The following ZFPM1 variants were observed in gnomAD, a reference collection of about 807,000 sequenced individuals.
ZFPM1 encodes zinc finger protein, FOG family member 1, also known as zinc finger protein ZFPM1.
In ZFPM1, 28 loss-of-function variants were observed where a neutral mutation model predicts 46.3. The ratio of observed to expected loss-of-function variants is 0.60; its 90% CI spans 0.45 to 0.83. ZFPM1 has a LOEUF of 0.83. ZFPM1 is among the 40% of genes least tolerant of loss of function. ZFPM1 has a pLI of 0.00. For missense variants in ZFPM1, 1,878 were observed against 1,432.4 expected, an observed-to-expected ratio of 1.31 and a Z score of -5.02; for synonymous variants, 957 against 675.9, an observed-to-expected ratio of 1.42 and a Z score of -6.45.
chr16:88,515,491 C>T (rs990947228), intron 4 of ZFPM1, among the ~76,000 whole-genome samples: 1 of 152,364 alleles, frequency 6.6e-6, no homozygotes, highest in African/African-American at 2.4e-5. Flanking sequence ...TACGTCTGAG[C>T]CTGCAGACCC....
chr16:88,523,541 T>C (rs920563843), intron 4 of ZFPM1, among the ~76,000 whole-genome samples: 1 of 152,140 alleles, frequency 6.6e-6, no homozygotes. Context: ...GCTGGCCGTG[T>C]CCATGCCACC....
intron 3 of ZFPM1, among the ~76,000 whole-genome samples, chr16:88,500,463 A>G (rs1010423398): frequency 3.3e-5 from 5 of 152,210 alleles, no homozygotes; most frequent in African/African-American, 1.2e-4. Flanking sequence ...CCGTGTCACC[A>G]CCAGCGTGGG....
intron 3 of ZFPM1, among the ~76,000 whole-genome samples, chr16:88,502,248 C>A (rs1910403986): frequency 6.6e-6 from 1 of 152,112 alleles, no homozygotes; most frequent in Non-Finnish European, 1.5e-5. Flanking sequence ...CTGGTCATAT[C>A]CTGCCCGAAA....
intron 3 of ZFPM1, among the ~76,000 whole-genome samples, chr16:88,493,049 ATCCCGGGGTGCGGAGAGCTG>A (rs1597248384): frequency 1.0e-4 from 4 of 39,416 alleles, no homozygotes; most frequent in African/African-American, 4.0e-4. Flanking sequence ...ATGGAGAGCT[ATCCCGGGGTGCGGAGAGCTG>A]TCCCGGGGTG....
At position 88,535,049 on chromosome 16, in the gene ZFPM1, C is replaced by T. The variant is rs1913181979; in HGVS notation, c.*70C>T. 6 of 1,342,216 alleles carry T rather than the reference C, an allele frequency of 4.5e-6. No homozygotes were observed. Among genetic ancestry groups the T allele is most frequent in the South Asian group, 1.9e-5 (1 of 51,446 alleles). The allele number at this position is 1,342,216 out of a possible 1,614,324, so 83.1% of individuals were successfully genotyped here. ...TGCGGGGAGGGGGCCGCCCCCAGGC[C>T]GCACGGACTGCCGCTCCTGGGAACC... is the stretch of plus-strand genomic sequence containing the variant. On this transcript the variant is annotated 3_prime_UTR_variant, in exon 10 of 10. Coordinates refer to ENST00000319555, the MANE Select transcript of ZFPM1 (RefSeq NM_153813.3).
rs373783125 is a variant in ZFPM1 at position 88,501,486 on chromosome 16, GT to G, written c.268+12334del. On this transcript the variant is annotated intron_variant, in intron 3 of 9. Coordinates refer to ENST00000319555, the MANE Select transcript of ZFPM1 (RefSeq NM_153813.3). ...TGATAGAGATAGCAGACATGGGTGC[GT>G]GGGCCCTCCCGCAGGTGCTGGTGAT... is the stretch of plus-strand genomic sequence containing the variant. 3.4e-4 allele frequency among the ~76,000 whole-genome samples: 45 copies of G among 131,060 alleles called. 2 individuals are homozygous for G. The highest frequency in any genetic ancestry group is 7.6e-4 in the Admixed American group (10 of 13,196). The allele number at this position is 131,060 out of a possible 152,430, so 86.0% of individuals were successfully genotyped here. A position where few individuals can be genotyped will look rare whatever the true frequency, so the allele number is the denominator to read the frequency against.
intron 3 of ZFPM1, among the ~76,000 whole-genome samples, chr16:88,490,852 C>T (rs1341721865): frequency 6.6e-6 from 1 of 152,210 alleles, no homozygotes; most frequent in Non-Finnish European, 1.5e-5. Flanking sequence ...ACCGGGCATC[C>T]AGCACAGCAG....
chr16:88,466,805 C>T (rs184471810), intron 1 of ZFPM1, among the ~76,000 whole-genome samples: 2 of 152,112 alleles, frequency 1.3e-5, no homozygotes, highest in African/African-American at 2.4e-5. Context: ...CAGTGACCAG[C>T]GTTTAAATCC....
At chr16:88,508,408 A>C (rs1317545378) in intron 3 of ZFPM1, among the ~76,000 whole-genome samples, 1 of 152,214 alleles carries the variant, frequency 6.6e-6, no homozygotes, top group Non-Finnish European at 1.5e-5. Context: ...CATGTGAAGG[A>C]GGCCATGACA....
At chr16:88,502,429 C>G in intron 3 of ZFPM1, among the ~76,000 whole-genome samples, 1 of 152,174 alleles carries the variant, frequency 6.6e-6, no homozygotes, top group East Asian at 1.9e-4. Context: ...GTGCTTGCCC[C>G]TCCATGTCCC....
chr16:88,470,449 C>T (rs1908363248), intron 1 of ZFPM1, among the ~76,000 whole-genome samples: 1 of 152,202 alleles, frequency 6.6e-6, no homozygotes, highest in Non-Finnish European at 1.5e-5. Context: ...TGTGGCAGAA[C>T]CACTGGGGAG....
chr16:88,532,405 C>T (rs539115283), intron 7 of ZFPM1, among the ~76,000 whole-genome samples, 170 bp downstream of exon 7: 18 of 152,220 alleles, frequency 1.2e-4, no homozygotes, highest in Non-Finnish European at 2.1e-4. Flanking sequence ...GCAGGCCGGA[C>T]TGTGGGCTAT....
At chr16:88,491,018 G>C (rs540763642) in intron 3 of ZFPM1, among the ~76,000 whole-genome samples, 2 of 151,070 alleles carry the variant, frequency 1.3e-5, no homozygotes, top group African/African-American at 4.9e-5. Flanking sequence ...GGTGCCTTCG[G>C]GGCTCTCGGT....
At chr16:88,514,759 T>C (rs1334788355) in intron 4 of ZFPM1, among the ~76,000 whole-genome samples, 1 of 151,388 alleles carries the variant, frequency 6.6e-6, no homozygotes, top group African/African-American at 2.4e-5. Flanking sequence ...GGAGGAGGGG[T>C]TCTTTAAGCA....
intron 6 of ZFPM1, among the ~76,000 whole-genome samples, chr16:88,528,756 G>C (rs1260555644): frequency 1.3e-5 from 2 of 151,262 alleles, no homozygotes; most frequent in African/African-American, 4.9e-5. Flanking sequence ...TTTTTTTTTC[G>C]AGACAAGGTC....
chr16:88,475,620 A>G (rs1908644962), intron 1 of ZFPM1, among the ~76,000 whole-genome samples: 1 of 152,028 alleles, frequency 6.6e-6, no homozygotes, highest in African/African-American at 2.4e-5. Flanking sequence ...CCCAAGGACA[A>G]CGCCGGGTAC....
chr16:88,477,723 C>T (rs999728676), intron 1 of ZFPM1, among the ~76,000 whole-genome samples: 3 of 152,254 alleles, frequency 2.0e-5, no homozygotes, highest in Non-Finnish European at 4.4e-5. Flanking sequence ...AAAGCAAAAC[C>T]AAGAGAATGC....
chr16:88,534,907 C>A lies in ZFPM1; in HGVS notation c.2949C>A (p.Phe983Leu). 3 of 1,562,822 alleles carry A rather than the reference C, an allele frequency of 1.9e-6. No homozygotes were observed. Among genetic ancestry groups the A allele is most frequent in the Non-Finnish European group, 2.6e-6 (3 of 1,158,034 alleles). Residue 983 changes from phenylalanine to leucine, a missense_variant, in exon 10 of 10, where the codon TTC becomes TTA. Coordinates refer to ENST00000319555, the MANE Select transcript of ZFPM1 (RefSeq NM_153813.3). The stretch of plus-strand genomic sequence containing the variant: ...ACTGCCGTCTTTGCAACATCAAGTT[C>A]AGCAGCCTGTCCACCTTCATCGCCC... Reference protein sequence around the residue: ...HRYCRLCNIKFSSLSTFIAHK... With the variant: ...HRYCRLCNIKLSSLSTFIAHK...
At chr16:88,515,940 G>C (rs1220072486) in intron 4 of ZFPM1, among the ~76,000 whole-genome samples, 2 of 152,082 alleles carry the variant, frequency 1.3e-5, no homozygotes, top group Non-Finnish European at 2.9e-5. Flanking sequence ...GAGCTCCGTG[G>C]CTCTCATCTC....
Sources: gnomAD v4.1 joint callset for allele counts (sites outside exome capture counted in the v4.1 genomes callset) on GRCh38, gnomAD v4.1.1 for gene constraint, MANE v1.5 for transcripts, NCBI Gene and HGNC (gene_info 2026-07-23, HGNC 2026-07-21) for gene names.